The following SNCB variants were observed in gnomAD, a reference collection of about 807,000 sequenced individuals.
SNCB encodes synuclein beta, also known as beta-synuclein.
In SNCB, 8 loss-of-function variants were observed where a neutral mutation model predicts 20.0. The ratio of observed to expected loss-of-function variants is 0.40; its 90% CI spans 0.24 to 0.72. The LOEUF (loss-of-function observed/expected upper bound fraction) is 0.72, where lower values mean the gene tolerates loss of function less well. Ranked by LOEUF, SNCB falls within the 30% of genes least tolerant of loss-of-function variation. SNCB has a pLI of 0.37. For missense variants in SNCB, 125 were observed against 168.0 expected, an observed-to-expected ratio of 0.74 and a Z score of 1.41; for synonymous variants, 56 against 65.4, an observed-to-expected ratio of 0.86 and a Z score of 0.69.
intron 4 of SNCB, among the ~76,000 whole-genome samples, chr5:176,622,713 A>G (rs976711324): frequency 3.3e-5 from 5 of 149,832 alleles, no homozygotes; most frequent in African/African-American, 1.2e-4. Context: ...AGAACAGAAG[A>G]GCATGGCCTT....
Position 176,629,710 on chromosome 5 carries a change from C to T in SNCB, c.-9-47G>A, listed in dbSNP as rs1477581701. On this transcript the variant is annotated intron_variant, in intron 1 of 5. Transcript: ENST00000393693. This position sits in a 1 kb window ranked among gnomAD's most constrained non-coding sequence, Gnocchi z 4.1. ...CACCGGTGCACTGGCCCCGCACTCT[C>T]ACCCCAGCCCCTCCCGCGGGACGCA... 3.8e-6 allele frequency: 6 copies of T among 1,587,444 alleles called. No individual in the cohort carries two copies. The highest frequency in any genetic ancestry group is 5.2e-6 in the Non-Finnish European group (6 of 1,163,180).
In SNCB at chr5:176,629,458, C is replaced by T; in HGVS notation, c.121+76G>A. On this transcript the variant is annotated intron_variant, in intron 2 of 5. Transcript: ENST00000393693. This position sits in a 1 kb window ranked among gnomAD's most constrained non-coding sequence, Gnocchi z 4.1. Reference sequence around the variant, plus strand: ...ATTCTCCTGCCCAGAACCCCCCTCCCCGGGACCCGGCCCCAGCTCCACACT... The same window carrying T: ...ATTCTCCTGCCCAGAACCCCCCTCCTCGGGACCCGGCCCCAGCTCCACACT... 2 of 1,538,742 alleles carry T rather than the reference C, an allele frequency of 1.3e-6. No individual in the cohort carries two copies. The highest frequency in any genetic ancestry group is 1.8e-6 in the Non-Finnish European group (2 of 1,124,430).
rs893225911 is a variant in SNCB at position 176,626,304 on chromosome 5, C to G, written c.282+94G>C. ...CAAGCTGGTGGCAGGATTAGGGGGG[C>G]GGGGATGGTGACAGGTTTATTTGTG... On this transcript the variant is annotated intron_variant, in intron 4 of 5. Transcript: ENST00000393693. The surrounding 1 kb of genome is among the most constrained non-coding windows in gnomAD (Gnocchi z 4.2). 5 of 925,906 alleles carry G rather than the reference C, an allele frequency of 5.4e-6. No homozygotes were observed. In the African/African-American group the frequency reaches 8.2e-5, roughly 15 times the overall value. 57.4% of individuals were successfully genotyped at this position (925,906 alleles called of 1,614,324 possible). A position where few individuals can be genotyped will look rare whatever the true frequency, so the allele number is the denominator to read the frequency against.
chr5:176,624,856 T>C (rs1216097760), intron 4 of SNCB, among the ~76,000 whole-genome samples: 1 of 135,460 alleles, frequency 7.4e-6, no homozygotes, highest in Non-Finnish European at 1.6e-5. Context: ...GATAGTAAAA[T>C]GCAGAGACAG....
chr5:176,621,750 C>T lies in SNCB; in HGVS notation c.283-447G>A, dbSNP rs1028025286. 2.0e-5 allele frequency among the ~76,000 whole-genome samples: 3 copies of T among 152,234 alleles called. No homozygotes were observed. The highest frequency in any genetic ancestry group is 7.2e-5 in the African/African-American group (3 of 41,466). On this transcript the variant is annotated intron_variant, in intron 4 of 5. Transcript: ENST00000393693. The surrounding 1 kb of genome is among the most constrained non-coding windows in gnomAD (Gnocchi z 4.1). ...TTCCCCCGCCACCTTCCACTCATCC[C>T]TCCCCCGGGCCCTGTGTGGCCTCGT...
At position 176,629,778 on chromosome 5, in the gene SNCB, T is replaced by G. The variant is rs969216187; in HGVS notation, c.-9-115A>C. 12 of 1,382,788 alleles carry G rather than the reference T, an allele frequency of 8.7e-6. No individual in the cohort carries two copies. The East Asian group carries it at 3.0e-4, about 35-fold the overall frequency. The allele number at this position is 1,382,788 out of a possible 1,614,324, so 85.7% of individuals were successfully genotyped here. ...GAGACCGCGGCGCCCTTCTGGACCC[T>G]GAGCCCCCTCCCGCTTTCCCCCCAT... On this transcript the variant is annotated intron_variant, in intron 1 of 5. Transcript: ENST00000393693. The surrounding 1 kb of genome is among the most constrained non-coding windows in gnomAD (Gnocchi z 4.1).
rs770988392 is a variant in SNCB, at chr5:176,621,226, C to G, written c.360G>C (p.Glu120Asp). The change falls in exon 5 of 6, where the codon GAG becomes GAC. Residue 120 changes from glutamate to aspartate, a missense_variant. By Grantham distance (45) the Glu-to-Asp change is conservative. Coordinates refer to ENST00000393693, the MANE Select transcript of SNCB (RefSeq NM_003085.5). This position sits in a 1 kb window ranked among gnomAD's most constrained non-coding sequence, Gnocchi z 4.1. ...PLMEPEGESY[E>D]DPPQEEYQEY... ...GCTGCCCCCTCACCTGGGGTGGGTC[C>G]TCATAACTCTCCCCTTCTGGCTCCA... is the stretch of plus-strand genomic sequence containing the variant. The G allele has an allele frequency of 6.2e-7, 1 of 1,613,110 alleles. No individual in the cohort carries two copies.
Position 176,629,663 on chromosome 5 carries a change from C to G in SNCB, c.-9G>C. 6.2e-7 allele frequency: 1 copy of G among 1,612,928 alleles called. No individual in the cohort carries two copies. The highest frequency in any genetic ancestry group is 8.5e-7 in the Non-Finnish European group (1 of 1,179,436). ...TTCATGAACACGTCCATCCTGGCGG[C>G]CTGGGGAGGGCGATACACGGGCACC... is the stretch of plus-strand genomic sequence containing the variant. On this transcript the variant is annotated splice_region_variant and 5_prime_UTR_variant, in exon 2 of 6. Coordinates refer to ENST00000393693, the MANE Select transcript of SNCB (RefSeq NM_003085.5). This position sits in a 1 kb window ranked among gnomAD's most constrained non-coding sequence, Gnocchi z 4.1.
Position 176,620,854 on chromosome 5 carries a change from G to A in SNCB, c.373-11C>T, listed in dbSNP as rs1282627293. Reference sequence around the variant, plus strand: ...CTCCTGATATTCCTCCTGCATCACCGGGATGGGGGTGGAGTAGAGAAGAGC... The same window carrying A: ...CTCCTGATATTCCTCCTGCATCACCAGGATGGGGGTGGAGTAGAGAAGAGC... On this transcript the variant is annotated splice_polypyrimidine_tract_variant and intron_variant, in intron 5 of 5. Transcript: ENST00000393693. This position sits in a 1 kb window ranked among gnomAD's most constrained non-coding sequence, Gnocchi z 4.5. 16 of 1,613,258 alleles carry A rather than the reference G, an allele frequency of 9.9e-6. No individual in the cohort carries two copies. Among genetic ancestry groups the A allele is most frequent in the African/African-American group, 4.0e-5 (3 of 74,898 alleles).
At chr5:176,627,070 C>T (rs1015451362) in intron 2 of SNCB, among the ~76,000 whole-genome samples, 4 of 152,244 alleles carry the variant, frequency 2.6e-5, no homozygotes, top group African/African-American at 9.6e-5. Context: ...TTCCCCAGCC[C>T]TGGGAGGCGG....
Position 176,620,829 on chromosome 5 carries a change from C to T in SNCB, c.387G>A (p.Glu129=), listed in dbSNP as rs757191315. Residue 129 remains glutamate (E), a synonymous_variant, in exon 6 of 6, where the codon GAG becomes GAA. Transcript: ENST00000393693. The surrounding 1 kb of genome is among the most constrained non-coding windows in gnomAD (Gnocchi z 4.5). ...YEDPPQEEYQ[E]YEPEA ...TGGGCCCCTACGCCTCTGGCTCATA[C>T]TCCTGATATTCCTCCTGCATCACCG... 2 of 1,613,984 alleles carry T rather than the reference C, an allele frequency of 1.2e-6. No individual in the cohort carries two copies. The highest frequency in any genetic ancestry group is 2.2e-5 in the South Asian group (2 of 91,086).
At position 176,630,501 on chromosome 5, in the gene SNCB, G is replaced by C. The variant is rs1760326865; in HGVS notation, c.-231C>G. 6.5e-6 allele frequency: 1 copy of C among 153,530 alleles called. No individual in the cohort carries two copies. The highest frequency in any genetic ancestry group is 1.5e-5 in the Non-Finnish European group (1 of 68,828). The allele number at this position is 153,530 out of a possible 1,614,324, so 9.5% of individuals were successfully genotyped here. A position where few individuals can be genotyped will look rare whatever the true frequency, so the allele number is the denominator to read the frequency against. ...GCGCCCTGCGAGCTCGCGCGCTCCG[G>C]CTCCGGCTCCGGCTCCGGCGCTGCG... On this transcript the variant is annotated 5_prime_UTR_variant, in exon 1 of 6. Coordinates refer to ENST00000393693, the MANE Select transcript of SNCB (RefSeq NM_003085.5).
chr5:176,622,767 C>T (rs1401043826), intron 4 of SNCB, among the ~76,000 whole-genome samples: 2 of 133,846 alleles, frequency 1.5e-5, no homozygotes, highest in African/African-American at 2.8e-5. Context: ...GAGACAGTCT[C>T]ACTCTGTGGC....
rs1040108547 is a variant in SNCB, at chr5:176,620,708, A to G, written c.*103T>C. 87 of 838,962 alleles carry G rather than the reference A, an allele frequency of 1.0e-4. No homozygotes were observed. Among genetic ancestry groups the G allele is most frequent in the Non-Finnish European group, 1.6e-4 (78 of 474,320 alleles). 52.0% of individuals were successfully genotyped at this position (838,962 alleles called of 1,614,324 possible). ...GGGGTTGCCTCAGAGCGGAAGGAAG[A>G]TCTCGTGATTGGGGAGAAGGAGTCT... On this transcript the variant is annotated 3_prime_UTR_variant, in exon 6 of 6. Transcript: ENST00000393693. This position sits in a 1 kb window ranked among gnomAD's most constrained non-coding sequence, Gnocchi z 4.5.
In SNCB at chr5:176,629,637, C is replaced by T; in HGVS notation, c.18G>A (p.Lys6=). MDVFM[K]GLSMAKEGVV... ...CGCCCTCCTTGGCCATGGACAGGCC[C>T]TTCATGAACACGTCCATCCTGGCGG... Residue 6 remains lysine, a synonymous_variant, in exon 2 of 6, where the codon AAG becomes AAA. Transcript: ENST00000393693. The surrounding 1 kb of genome is among the most constrained non-coding windows in gnomAD (Gnocchi z 4.1). 6.2e-7 allele frequency: 1 copy of T among 1,613,840 alleles called. No homozygotes were observed. The highest frequency in any genetic ancestry group is 8.5e-7 in the Non-Finnish European group (1 of 1,179,904).
Position 176,620,858 on chromosome 5 carries a change from T to C in SNCB, c.373-15A>G. On this transcript the variant is annotated splice_polypyrimidine_tract_variant and intron_variant, in intron 5 of 5. Coordinates refer to ENST00000393693, the MANE Select transcript of SNCB (RefSeq NM_003085.5). The surrounding 1 kb of genome is among the most constrained non-coding windows in gnomAD (Gnocchi z 4.5). ...TGATATTCCTCCTGCATCACCGGGA[T>C]GGGGGTGGAGTAGAGAAGAGCAAAA... The C allele has an allele frequency of 6.2e-7, 1 of 1,612,740 alleles. No individual in the cohort carries two copies. Among genetic ancestry groups the C allele is most frequent in the South Asian group, 1.1e-5 (1 of 91,036 alleles).
intron 2 of SNCB, among the ~76,000 whole-genome samples, chr5:176,627,485 G>A (rs1760038969): frequency 1.3e-5 from 2 of 152,266 alleles, no homozygotes; most frequent in African/African-American, 4.8e-5. Context: ...TCCTCGGAGG[G>A]TAGCAACTTG....
At position 176,626,850 on chromosome 5, in the gene SNCB, C is replaced by G. The variant is rs79320538; in HGVS notation, c.122-89G>C. The stretch of plus-strand genomic sequence containing the variant: ...GCATGGTGATTACAGAGTGGGCATC[C>G]TGGCCCCGTCACTGCCTCCTTGGGT... On this transcript the variant is annotated intron_variant, in intron 2 of 5. Coordinates refer to ENST00000393693, the MANE Select transcript of SNCB (RefSeq NM_003085.5). This position sits in a 1 kb window ranked among gnomAD's most constrained non-coding sequence, Gnocchi z 4.2. 4 of 1,412,496 alleles carry G rather than the reference C, an allele frequency of 2.8e-6. No homozygotes were observed. The East Asian group carries it at 9.1e-5, about 32-fold the overall frequency. 87.5% of individuals were successfully genotyped at this position (1,412,496 alleles called of 1,614,324 possible).
chr5:176,628,754 T>C (rs1418373327), intron 2 of SNCB, among the ~76,000 whole-genome samples: 1 of 152,204 alleles, frequency 6.6e-6, no homozygotes, highest in African/African-American at 2.4e-5. Context: ...CAGGAACCAT[T>C]CTTTCCTGTT....
Sources: gnomAD v4.1 joint callset for allele counts (sites outside exome capture counted in the v4.1 genomes callset) on GRCh38, gnomAD v4.1.1 for gene constraint, Gnocchi (gnomAD v3.1) non-coding constraint, MANE v1.5 for transcripts, NCBI Gene and HGNC (gene_info 2026-07-23, HGNC 2026-07-21) for gene names.